Variants in INPP4B observed in about 807,000 individuals in gnomAD.
INPP4B encodes the protein inositol polyphosphate 4-phosphatase type II.
Under a neutral mutation model 122.5 loss-of-function variants are expected in INPP4B, and 55 were observed. The ratio of observed to expected loss-of-function variants is 0.45; its 90% CI spans 0.36 to 0.56. The LOEUF (loss-of-function observed/expected upper bound fraction) is 0.56. Among genes scored for constraint, INPP4B ranks in the 20% least tolerant of loss-of-function variants. INPP4B has a pLI of 0.00. For synonymous variants in INPP4B, 403 were observed against 388.7 expected, an observed-to-expected ratio of 1.04 and a Z score of -0.43; for missense variants, 1,000 against 1,097.7, an observed-to-expected ratio of 0.91 and a Z score of 1.26.
rs144938485 is a variant in INPP4B at position 142,745,449 on chromosome 4, C to T, written c.-253-19548G>A. On this transcript the variant is annotated intron_variant, in intron 1 of 25. Transcript: ENST00000262992. Reference sequence around the variant, plus strand: ...TTCGTAAATATTTGTGGAAAAAAATCGCCTGACCATTCACATGTTTTCTAT... The same window carrying T: ...TTCGTAAATATTTGTGGAAAAAAATTGCCTGACCATTCACATGTTTTCTAT... 2.0e-5 allele frequency among the ~76,000 whole-genome samples: 3 copies of T among 151,772 alleles called. No individual in the cohort carries two copies. In the East Asian group the frequency reaches 5.8e-4, roughly 29 times the overall value.
intron 21 of INPP4B, among the ~76,000 whole-genome samples, chr4:142,116,621 A>G (rs563140786): frequency 5.9e-5 from 9 of 152,352 alleles, no homozygotes; most frequent in African/African-American, 1.9e-4. Context: ...CAATGAGAAC[A>G]AAGATACAAC....
At chr4:142,742,729 A>T (rs563288005) in intron 1 of INPP4B, among the ~76,000 whole-genome samples, 15 of 152,156 alleles carry the variant, frequency 9.9e-5, no homozygotes, top group Admixed American at 2.6e-4. Context: ...ATCTCAGATA[A>T]GTATGAGATA....
intron 1 of INPP4B, among the ~76,000 whole-genome samples, chr4:142,773,771 T>C (rs2151006731): frequency 6.6e-6 from 1 of 152,332 alleles, no homozygotes; most frequent in Non-Finnish European, 1.5e-5. Flanking sequence ...AAAACACTAT[T>C]TCTCCAGTAT....
intron 25 of INPP4B, among the ~76,000 whole-genome samples, chr4:142,059,660 T>C (rs1759562295): frequency 2.0e-5 from 3 of 152,156 alleles, no homozygotes; most frequent in Admixed American, 1.3e-4. Context: ...TAACCCAGAA[T>C]AAAATAACAT....
intron 1 of INPP4B, among the ~76,000 whole-genome samples, chr4:142,794,655 T>C (rs952405254): frequency 1.3e-5 from 2 of 151,964 alleles, no homozygotes; most frequent in Admixed American, 6.6e-5. Flanking sequence ...TATTTCACTT[T>C]AAAAGTGAAA....
intron 11 of INPP4B, among the ~76,000 whole-genome samples, chr4:142,238,827 A>T (rs1382437397): frequency 6.6e-6 from 1 of 152,116 alleles, no homozygotes; most frequent in Admixed American, 6.6e-5. Context: ...CCACACTTTC[A>T]AGTCATCAGG....
At chr4:142,424,437 T>C (rs1418479741) in intron 5 of INPP4B, among the ~76,000 whole-genome samples, 2 of 152,034 alleles carry the variant, frequency 1.3e-5, no homozygotes, top group African/African-American at 2.4e-5. Flanking sequence ...TTACAAGATA[T>C]AGAAGAGCAT....
At chr4:142,522,217 T>A (rs1391711970) in intron 2 of INPP4B, among the ~76,000 whole-genome samples, 1 of 152,156 alleles carries the variant, frequency 6.6e-6, no homozygotes, top group African/African-American at 2.4e-5. Flanking sequence ...TATTTCAGTA[T>A]CTTATGTTTT....
intron 7 of INPP4B, among the ~76,000 whole-genome samples, chr4:142,361,833 T>G (rs1785520294): frequency 6.6e-6 from 1 of 151,930 alleles, no homozygotes; most frequent in African/African-American, 2.4e-5. Flanking sequence ...TGAAAATAAT[T>G]AATTTTATAA....
intron 2 of INPP4B, among the ~76,000 whole-genome samples, chr4:142,654,953 C>T (rs1753847797): frequency 6.6e-6 from 1 of 151,736 alleles, no homozygotes; most frequent in Admixed American, 6.6e-5. Context: ...ATATAGCTGC[C>T]AAAAAGAGAA....
chr4:142,640,082 G>A (rs1328361101), intron 2 of INPP4B, among the ~76,000 whole-genome samples: 1 of 151,912 alleles, frequency 6.6e-6, no homozygotes, highest in African/African-American at 2.4e-5. Flanking sequence ...GAAAGGATAC[G>A]AGGGCAACAG....
intron 2 of INPP4B, among the ~76,000 whole-genome samples, chr4:142,724,383 T>C (rs150928368): frequency 1.3e-5 from 2 of 152,256 alleles, no homozygotes; most frequent in Non-Finnish European, 2.9e-5. Context: ...ATTGGCTTCA[T>C]CTCATTCAGG....
chr4:142,382,994 A>G (rs748431155), intron 7 of INPP4B, among the ~76,000 whole-genome samples: 89 of 152,120 alleles, frequency 5.9e-4, no homozygotes, highest in Non-Finnish European at 1.1e-3. Context: ...CTATAGTCTT[A>G]TATTTCTCTT....
chr4:142,293,471 A>T (rs897296879), intron 9 of INPP4B, among the ~76,000 whole-genome samples: 1 of 152,292 alleles, frequency 6.6e-6, no homozygotes, highest in Admixed American at 6.5e-5. Context: ...TTCAAGTAAA[A>T]CAACATAAAC....
chr4:142,541,318 T>C (rs1287222499), intron 2 of INPP4B, among the ~76,000 whole-genome samples: 1 of 152,154 alleles, frequency 6.6e-6, no homozygotes, highest in Non-Finnish European at 1.5e-5. Flanking sequence ...ATCCAGGCAA[T>C]TGGCAATAAG....
At chr4:142,608,568 C>G (rs1372078119) in intron 2 of INPP4B, among the ~76,000 whole-genome samples, 1 of 152,088 alleles carries the variant, frequency 6.6e-6, no homozygotes. Context: ...ATGCCTAGAA[C>G]AATACTTGGA....
chr4:142,180,291 T>C (rs980911265), intron 15 of INPP4B, among the ~76,000 whole-genome samples: 2 of 152,096 alleles, frequency 1.3e-5, no homozygotes, highest in African/African-American at 4.8e-5. Flanking sequence ...TATGATATTA[T>C]AGACTAATGA....
intron 21 of INPP4B, among the ~76,000 whole-genome samples, chr4:142,121,742 C>T (rs1383874299): frequency 6.6e-6 from 1 of 152,070 alleles, no homozygotes; most frequent in Non-Finnish European, 1.5e-5. Context: ...CTGCTTTTAA[C>T]TGAATTTAAT....
chr4:142,116,351 G>T (rs868257733), intron 21 of INPP4B, among the ~76,000 whole-genome samples: 2 of 152,236 alleles, frequency 1.3e-5, no homozygotes, highest in South Asian at 4.1e-4. Context: ...CAAATCAACA[G>T]AATATACATT....
Sources: allele counts gnomAD v4.1 joint callset (sites outside exome capture counted in the v4.1 genomes callset), GRCh38; gene constraint gnomAD v4.1.1; transcripts MANE v1.5; gene names NCBI Gene and HGNC (gene_info 2026-07-23, HGNC 2026-07-21).